CDK5RAP3: variants seen among roughly 807,000 people sequenced by gnomAD.
The protein encoded by CDK5RAP3 is CDK5 regulatory subunit associated protein 3.
A neutral mutation model predicts 73.3 loss-of-function variants in CDK5RAP3; 58 were observed. That is an observed-to-expected ratio of 0.79 (90% CI 0.64 to 0.98). The LOEUF (loss-of-function observed/expected upper bound fraction) is 0.98, where lower values mean the gene tolerates loss of function less well. Among genes scored for constraint, CDK5RAP3 ranks in the 50% least tolerant of loss-of-function variants. CDK5RAP3 has a pLI of 0.00. For missense variants in CDK5RAP3, 525 were observed against 615.8 expected, an observed-to-expected ratio of 0.85 and a Z score of 1.56; for synonymous variants, 224 against 247.5, an observed-to-expected ratio of 0.91 and a Z score of 0.89.
intron 12 of CDK5RAP3, 40 bp downstream of exon 12, chr17:47,980,838 C>G: frequency 6.3e-7 from 1 of 1,581,394 alleles, no homozygotes; most frequent in Non-Finnish European, 8.7e-7. Flanking sequence ...CCATCTTGAG[C>G]AGCTCTGCCT....
Position 47,975,533 on chromosome 17 carries a change from A to G in CDK5RAP3, c.533A>G (p.Glu178Gly). 1 of 1,611,298 alleles carries G rather than the reference A, an allele frequency of 6.2e-7. No individual in the cohort carries two copies. The highest frequency in any genetic ancestry group is 2.2e-5 in the East Asian group (1 of 44,880). ...CTCTAGGGCGAAAATGTCCGAGGAG[A>G]ACTGCTGGCCCTGGTGAAGGACCTG... ...YGITGENVRG[E>G]LLALVKDLPS... Residue 178 changes from glutamate (E) to glycine (G), a missense_variant, in exon 7 of 14, where the codon GAA becomes GGA. Glu to Gly is a moderately conservative substitution (Grantham distance 98, BLOSUM62 -2). This residue lies in a region of CDK5RAP3 where 409 missense variants were observed against 429.8 expected (regional missense o/e 0.95). Transcript: ENST00000338399.
In CDK5RAP3 at chr17:47,975,268, G is replaced by A; in HGVS notation, c.444G>A (p.Glu148=). The change falls in exon 6 of 14, where the codon GAG becomes GAA. Residue 148 remains glutamate (E), a synonymous_variant. Coordinates refer to ENST00000338399, the MANE Select transcript of CDK5RAP3 (RefSeq NM_176096.3). ...AGCAAGAATACAGCCGCAAGGAGGA[G>A]GAGTGCCAGGCAGGGGCTGCCGAGA... ...QLQQEYSRKE[E]ECQAGAAEMR... 6.2e-7 allele frequency: 1 copy of A among 1,614,198 alleles called. No individual in the cohort carries two copies. The highest frequency in any genetic ancestry group is 1.6e-4 in the Middle Eastern group (1 of 6,062).
At position 47,974,021 on chromosome 17, in the gene CDK5RAP3, A is replaced by G. The variant is rs780334332; in HGVS notation, c.275A>G (p.Gln92Arg). The change falls in exon 4 of 14, where the codon CAG becomes CGG. Residue 92 changes from glutamine (Q) to arginine (R), a missense_variant. Around this residue, in one of 2 missense-constraint regions of CDK5RAP3, gnomAD observed 409 missense variants for 429.8 expected, o/e 0.95. Coordinates refer to ENST00000338399, the MANE Select transcript of CDK5RAP3 (RefSeq NM_176096.3). ...TKNIFGRYSSQRMKDWQEIIA... is the reference protein window; with the variant it reads ...TKNIFGRYSSRRMKDWQEIIA... ...AATATTTTTGGCCGATACTCTTCAC[A>G]GCGGATGAAGGCAAGTGTGGGCCAA... 1.6e-5 allele frequency: 25 copies of G among 1,612,420 alleles called. No individual in the cohort carries two copies. In the South Asian group the frequency reaches 2.6e-4, roughly 17 times the overall value.
In CDK5RAP3 at chr17:47,975,307, C is replaced by A. The variant is rs898006583; in HGVS notation, c.483C>A (p.Phe161Leu). ...QAGAAEMREQ[F>L]YHSCKQYGIT... is the part of the protein sequence containing the mutation. ...GGGCTGCCGAGATGCGGGAGCAGTT[C>A]TACCACTCCTGCAAGCAGTATGGCA... The change falls in exon 6 of 14, where the codon TTC (phenylalanine) becomes TTA (leucine). Residue 161 changes from phenylalanine (F) to leucine (L), a missense_variant. Phe to Leu is a conservative substitution (Grantham distance 22). Around this residue, in one of 2 missense-constraint regions of CDK5RAP3, gnomAD observed 409 missense variants for 429.8 expected, o/e 0.95. Coordinates refer to ENST00000338399, the MANE Select transcript of CDK5RAP3 (RefSeq NM_176096.3). 6.2e-7 allele frequency: 1 copy of A among 1,614,104 alleles called. No homozygotes were observed. Among genetic ancestry groups the A allele is most frequent in the Admixed American group, 1.7e-5 (1 of 60,030 alleles).
intron 8 of CDK5RAP3, 142 bp from the exon 9 acceptor site, chr17:47,976,570 C>T (rs2036416612): frequency 1.7e-6 from 1 of 595,850 alleles, no homozygotes; most frequent in Non-Finnish European, 3.1e-6. Context: ...TGCCATATTG[C>T]CCAGGCTGGT....
At chr17:47,980,823 C>T (rs1390046099) in intron 12 of CDK5RAP3, 25 bp downstream of exon 12, 6 of 1,606,848 alleles carry the variant, frequency 3.7e-6, no homozygotes, top group African/African-American at 1.3e-5. Flanking sequence ...TGATGCAAGG[C>T]TCTGCCATCT....
chr17:47,974,551 G>C, intron 5 of CDK5RAP3, 103 bp downstream of exon 5: 7 of 1,591,590 alleles, frequency 4.4e-6, no homozygotes, highest in Non-Finnish European at 6.0e-6. Flanking sequence ...AGTGGGAAGA[G>C]ACTGGAGTGT....
Sources: allele counts gnomAD v4.1 joint callset, GRCh38; gene constraint gnomAD v4.1.1; regional missense constraint gnomAD v4.1.1; transcripts MANE v1.5; gene names NCBI Gene and HGNC (gene_info 2026-07-23, HGNC 2026-07-21).